RUNX2: variants seen among roughly 807,000 people sequenced by gnomAD.
RUNX2 encodes the protein runt-related transcription factor 2.
Under a neutral mutation model 51.7 loss-of-function variants are expected in RUNX2, and 10 were observed. The ratio of observed to expected loss-of-function variants is 0.19; its 90% confidence interval spans 0.12 to 0.33. The LOEUF (loss-of-function observed/expected upper bound fraction) is 0.33. RUNX2 is among the 10% of genes least tolerant of loss of function. The pLI is 1.00. For synonymous variants in RUNX2, 276 were observed against 273.6 expected, an observed-to-expected ratio of 1.01 and a Z score of -0.09; for missense variants, 562 against 691.3, an observed-to-expected ratio of 0.81 and a Z score of 2.10.
chr6:45,517,920 C>T (rs1320698609), intron 7 of RUNX2, among the ~76,000 whole-genome samples: 3 of 152,020 alleles, frequency 2.0e-5, no homozygotes, highest in South Asian at 4.2e-4. Flanking sequence ...TCAAGTCCAC[C>T]GAGTCAAGTT....
At chr6:45,545,590 A>G (rs1802375718) in intron 8 of RUNX2, among the ~76,000 whole-genome samples, 1 of 152,242 alleles carries the variant, frequency 6.6e-6, no homozygotes, top group South Asian at 2.1e-4. Flanking sequence ...GTACCCATTC[A>G]TTAAAGTCCT....
At chr6:45,387,721 TC>T (rs1306054069) in intron 2 of RUNX2, among the ~76,000 whole-genome samples, 1 of 151,984 alleles carries the variant, frequency 6.6e-6, no homozygotes, top group Non-Finnish European at 1.5e-5. Flanking sequence ...TTAAACACAG[TC>T]AATGGGAGGA....
chr6:45,441,698 G>T (rs1043553330), intron 5 of RUNX2, among the ~76,000 whole-genome samples: 2 of 152,020 alleles, frequency 1.3e-5, no homozygotes, highest in Non-Finnish European at 2.9e-5. Flanking sequence ...ACTAATTTTT[G>T]CTCATTAGTA....
chr6:45,482,670 G>T (rs1233290059), intron 5 of RUNX2, among the ~76,000 whole-genome samples: 1 of 152,146 alleles, frequency 6.6e-6, no homozygotes, highest in Non-Finnish European at 1.5e-5. Context: ...AGTATTAAAA[G>T]AAATCAAACT....
At chr6:45,332,244 C>T (rs73444672) in intron 2 of RUNX2, among the ~76,000 whole-genome samples, 22,070 of 151,390 alleles carry the variant, frequency 0.15, 2,129 homozygotes, top group African/African-American at 0.27. Flanking sequence ...CTTTCCCCCT[C>T]CCCCCGATTC....
chr6:45,508,731 C>T (rs1801055188), intron 6 of RUNX2, among the ~76,000 whole-genome samples: 1 of 152,198 alleles, frequency 6.6e-6, no homozygotes, highest in African/African-American at 2.4e-5. Flanking sequence ...AAAAGCAAAA[C>T]TATCCTTTAA....
chr6:45,407,141 G>A (rs565792381), intron 2 of RUNX2, among the ~76,000 whole-genome samples: 3 of 152,002 alleles, frequency 2.0e-5, no homozygotes, highest in South Asian at 2.1e-4. Flanking sequence ...TTTGAGATGG[G>A]GTCTCACTCT....
intron 5 of RUNX2, among the ~76,000 whole-genome samples, chr6:45,466,036 G>A (rs137982736): frequency 0.013 from 1,903 of 152,192 alleles, 34 homozygotes; most frequent in African/African-American, 0.042. Context: ...AAAATAGGCC[G>A]AGTGCAGTGG....
chr6:45,525,201 T>C (rs1433737954), intron 7 of RUNX2, among the ~76,000 whole-genome samples: 1 of 152,180 alleles, frequency 6.6e-6, no homozygotes, highest in Non-Finnish European at 1.5e-5. Context: ...AAAGTTGTTC[T>C]CTAACCTTAG....
chr6:45,384,706 C>CTTTT (rs56307239), intron 2 of RUNX2, among the ~76,000 whole-genome samples: 2 of 61,206 alleles, frequency 3.3e-5, no homozygotes, highest in African/African-American at 1.3e-4. Flanking sequence ...ATTAGGGTGT[C>CTTTT]TTTTTTTTTT....
chr6:45,544,438 G>C (rs776655609), intron 7 of RUNX2, among the ~76,000 whole-genome samples: 1 of 152,092 alleles, frequency 6.6e-6, no homozygotes, highest in African/African-American at 2.4e-5. Flanking sequence ...CACATAAAGA[G>C]TTTTAATGAG....
rs139677705 is a variant in RUNX2 at position 45,443,664 on chromosome 6, A to T, written c.685+5613A>T. On this transcript the variant is annotated intron_variant, in intron 5 of 8. Coordinates refer to ENST00000647337, the MANE Select transcript of RUNX2 (RefSeq NM_001024630.4). ...AATTTACTAGTCTAATCGTAGTGTC[A>T]TTCTGAATTGAACAGATTTGGTAAA... Among the ~76,000 whole-genome samples, 235 of 152,350 alleles carry T rather than the reference A, an allele frequency of 1.5e-3. 1 individual carries two copies. The highest frequency in any genetic ancestry group is 5.3e-3 in the African/African-American group (222 of 41,588).
At chr6:45,473,357 C>T (rs1272806493) in intron 5 of RUNX2, among the ~76,000 whole-genome samples, 2 of 151,708 alleles carry the variant, frequency 1.3e-5, no homozygotes, top group African/African-American at 2.4e-5. Context: ...TGTGTATGTG[C>T]GCGTGTATGT....
At chr6:45,439,742 C>G (rs2150373114) in intron 5 of RUNX2, among the ~76,000 whole-genome samples, 1 of 151,984 alleles carries the variant, frequency 6.6e-6, no homozygotes, top group South Asian at 2.1e-4. Flanking sequence ...AGTTGATGCT[C>G]AAAAGTTGAT....
At chr6:45,472,877 G>A (rs569299439) in intron 5 of RUNX2, among the ~76,000 whole-genome samples, 17 of 152,248 alleles carry the variant, frequency 1.1e-4, no homozygotes, top group African/African-American at 3.4e-4. Context: ...TCTGCAATGG[G>A]CCAAGTATGT....
chr6:45,336,148 T>C (rs984344599), intron 2 of RUNX2, among the ~76,000 whole-genome samples: 2 of 151,252 alleles, frequency 1.3e-5, no homozygotes, highest in African/African-American at 4.8e-5. Context: ...CAAACACATA[T>C]ACATTATTTC....
intron 5 of RUNX2, among the ~76,000 whole-genome samples, chr6:45,459,250 T>C (rs577604619): frequency 6.6e-6 from 1 of 152,336 alleles, no homozygotes; most frequent in African/African-American, 2.4e-5. Flanking sequence ...AAAAACCGTA[T>C]TCCCACAGAG....
chr6:45,536,181 C>G (rs2150443615), intron 7 of RUNX2, among the ~76,000 whole-genome samples: 1 of 152,032 alleles, frequency 6.6e-6, no homozygotes, highest in Middle Eastern at 3.4e-3. Context: ...CTGTCACAAC[C>G]CGGAAGCCCC....
chr6:45,424,138 C>T (rs1798319010), intron 3 of RUNX2, among the ~76,000 whole-genome samples: 1 of 152,220 alleles, frequency 6.6e-6, no homozygotes, highest in Non-Finnish European at 1.5e-5. Flanking sequence ...CTTGTGCCTG[C>T]CCGGCCCGTT....
Sources: gnomAD v4.1 joint callset for allele counts (sites outside exome capture counted in the v4.1 genomes callset) on GRCh38, gnomAD v4.1.1 for gene constraint, MANE v1.5 for transcripts, NCBI Gene and HGNC (gene_info 2026-07-23, HGNC 2026-07-21) for gene names.